The following PUM1 variants were observed in gnomAD, a reference collection of about 807,000 sequenced individuals.
The protein encoded by PUM1 is pumilio RNA binding family member 1, also known as pumilio homolog 1.
A neutral mutation model predicts 131.8 loss-of-function variants in PUM1; 13 were observed. The ratio of observed to expected loss-of-function variants is 0.10; its 90% confidence interval spans 0.06 to 0.16. The LOEUF is 0.16. PUM1 is among the 10% of genes least tolerant of loss of function. The pLI is 1.00. For missense variants in PUM1, 961 were observed against 1,512.4 expected (o/e 0.64, Z 6.05); for synonymous variants, 509 against 556.5 (o/e 0.91, Z 1.20).
chr1:30,965,339 T>A (rs1640576216), intron 13 of PUM1, among the ~76,000 whole-genome samples: 1 of 152,136 alleles, frequency 6.6e-6, no homozygotes, highest in Non-Finnish European at 1.5e-5. Context: ...GTTTTCTCAG[T>A]GGGTTCAATC....
intron 17 of PUM1, among the ~76,000 whole-genome samples, chr1:30,946,817 G>C (rs1333867510): frequency 6.6e-6 from 1 of 152,066 alleles, no homozygotes; most frequent in Non-Finnish European, 1.5e-5. Flanking sequence ...GCTGAGGTGG[G>C]AGGATCACCT....
intron 16 of PUM1, among the ~76,000 whole-genome samples, chr1:30,950,483 G>T (rs534473721): frequency 1.3e-5 from 2 of 152,082 alleles, no homozygotes; most frequent in African/African-American, 4.8e-5. Flanking sequence ...GAAGTTTCTC[G>T]GATACCCAAC....
At chr1:31,055,272 T>C (rs747332883) in intron 2 of PUM1, 3 of 451,304 alleles carry the variant, frequency 6.6e-6, no homozygotes, top group Non-Finnish European at 1.3e-5. Context: ...TGCCATGTGT[T>C]TCCCAGCAGG....
chr1:30,997,652 T>C (rs972233730), intron 5 of PUM1, among the ~76,000 whole-genome samples: 2 of 152,174 alleles, frequency 1.3e-5, no homozygotes, highest in African/African-American at 4.8e-5. Context: ...AGGGCTTTAC[T>C]GAGAACCTGC....
chr1:31,058,937 G>A (rs1443789267), intron 2 of PUM1, among the ~76,000 whole-genome samples: 1 of 151,796 alleles, frequency 6.6e-6, no homozygotes, highest in Admixed American at 6.6e-5. Flanking sequence ...GCCGAGATCA[G>A]GCGACTACAC....
Position 30,966,006 on chromosome 1 carries a change from C to T in PUM1, c.2062G>A (p.Ala688Thr), listed in dbSNP as rs996682486. The T allele has an allele frequency of 9.3e-6, 15 of 1,613,712 alleles. No homozygotes were observed. The highest frequency in any genetic ancestry group is 1.2e-5 in the Non-Finnish European group (14 of 1,179,850). Residue 688 changes from alanine (A) to threonine (T), a missense_variant, in exon 13 of 22, where the codon GCC becomes ACC. Coordinates refer to ENST00000426105, the MANE Select transcript of PUM1 (RefSeq NM_001020658.2). ...SSSLGATLGS[A>T]LGGFGTAVAN... ...CCTGCTGTTCCAAACCCTCCAAGGG[C>T]GGATCCCAGGGTGGCGCCGAGAGAA...
intron 1 of PUM1, among the ~76,000 whole-genome samples, chr1:31,060,748 T>C (rs1023629564): frequency 4.6e-5 from 7 of 151,946 alleles, no homozygotes; most frequent in Admixed American, 2.0e-4. Context: ...TAACTGGGTG[T>C]GGTGGTACAC....
At chr1:30,955,652 A>G (rs1190810415) in intron 14 of PUM1, among the ~76,000 whole-genome samples, 2 of 152,200 alleles carry the variant, frequency 1.3e-5, no homozygotes, top group Middle Eastern at 3.2e-3. Flanking sequence ...GTTTAGATGA[A>G]TAACAATTAA....
intron 2 of PUM1, among the ~76,000 whole-genome samples, chr1:31,040,910 A>G (rs72659217): frequency 0.017 from 2,664 of 152,312 alleles, 40 homozygotes; most frequent in Non-Finnish European, 0.023. Flanking sequence ...AAATAAGCAG[A>G]TCGTATCTTC....
chr1:31,031,989 T>C (rs1319003888), intron 2 of PUM1, among the ~76,000 whole-genome samples: 3 of 150,698 alleles, frequency 2.0e-5, no homozygotes, highest in South Asian at 2.1e-4. Context: ...GCCTCATTTA[T>C]ATAAGAACCA....
chr1:31,051,050 G>C (rs1414059210), intron 2 of PUM1: 1 of 152,882 alleles, frequency 6.5e-6, no homozygotes, highest in Non-Finnish European at 1.5e-5. Flanking sequence ...GCATTAAGTT[G>C]GACGAAGTGA....
intron 3 of PUM1, among the ~76,000 whole-genome samples, chr1:31,015,115 T>C (rs1433596303): frequency 6.6e-6 from 1 of 152,212 alleles, no homozygotes; most frequent in Non-Finnish European, 1.5e-5. Context: ...CTTCTCCTCA[T>C]GCATTCTTCC....
chr1:30,945,217 G>C, intron 18 of PUM1, 129 bp downstream of exon 18: 2 of 1,058,968 alleles, frequency 1.9e-6, no homozygotes, highest in Non-Finnish European at 2.7e-6. Context: ...CTGGGCAACA[G>C]AGTGGGATCC....
chr1:31,001,179 G>C (rs906535730), intron 5 of PUM1, among the ~76,000 whole-genome samples: 2 of 151,222 alleles, frequency 1.3e-5, no homozygotes, highest in African/African-American at 4.9e-5. Flanking sequence ...GCAAGACTCC[G>C]TCTCAAAAAA....
At chr1:31,018,212 A>G (rs1037620221) in intron 3 of PUM1, among the ~76,000 whole-genome samples, 1 of 151,914 alleles carries the variant, frequency 6.6e-6, no homozygotes, top group Non-Finnish European at 1.5e-5. Flanking sequence ...AGCTGGGTGT[A>G]GTGGCACATG....
At chr1:30,951,302 C>A (rs1410052589) in intron 16 of PUM1, among the ~76,000 whole-genome samples, 2 of 152,110 alleles carry the variant, frequency 1.3e-5, no homozygotes, top group Non-Finnish European at 2.9e-5. Context: ...CAAAGTCATT[C>A]TAAAATCAAA....
At chr1:31,037,094 A>G (rs915623948) in intron 2 of PUM1, 1 of 153,410 alleles carries the variant, frequency 6.5e-6, no homozygotes, top group African/African-American at 2.4e-5. Flanking sequence ...AAAAGACAAT[A>G]CTCAGTGTGA....
intron 14 of PUM1, among the ~76,000 whole-genome samples, chr1:30,961,346 CAA>C (rs11325891): frequency 8.4e-4 from 74 of 87,892 alleles, no homozygotes; most frequent in East Asian, 1.3e-3. Flanking sequence ...TTAGTTTCTA[CAA>C]AAAAAAAAAA....
At chr1:30,982,915 T>G (rs1641407747) in intron 7 of PUM1, among the ~76,000 whole-genome samples, 1 of 152,256 alleles carries the variant, frequency 6.6e-6, no homozygotes, top group Non-Finnish European at 1.5e-5. Flanking sequence ...ATTTCAAAAA[T>G]ACTTTAGTTT....
Sources: allele counts gnomAD v4.1 joint callset (sites outside exome capture counted in the v4.1 genomes callset), GRCh38; gene constraint gnomAD v4.1.1; transcripts MANE v1.5; gene names NCBI Gene and HGNC (gene_info 2026-07-23, HGNC 2026-07-21).